The following TMPRSS15 variants were observed in gnomAD, a reference collection of about 807,000 sequenced individuals.
TMPRSS15 encodes enteropeptidase.
Under a neutral mutation model 125.3 loss-of-function variants are expected in TMPRSS15, and 128 were observed. The ratio of observed to expected loss-of-function variants is 1.02; its 90% confidence interval spans 0.89 to 1.18. The LOEUF is 1.18. TMPRSS15 is among the 50% of genes most tolerant of loss of function. TMPRSS15 has a pLI of 0.00. For synonymous variants in TMPRSS15, 446 were observed against 423.2 expected (o/e 1.05, Z -0.66); for missense variants, 1,283 against 1,212.7 (o/e 1.06, Z -0.86).
intron 24 of TMPRSS15, among the ~76,000 whole-genome samples, chr21:18,272,304 C>T (rs990990488): frequency 1.3e-5 from 2 of 152,058 alleles, no homozygotes; most frequent in African/African-American, 4.8e-5. Flanking sequence ...ATTTGCATTT[C>T]TCTAATGATC....
intron 15 of TMPRSS15, 142 bp from the exon 16 acceptor site, chr21:18,326,714 C>A (rs925125794): frequency 3.5e-6 from 3 of 846,958 alleles, no homozygotes; most frequent in Non-Finnish European, 5.8e-6. Context: ...AGTAAATGAA[C>A]ACACACATTC....
chr21:18,484,411 G>A (rs908818799), intron 1 of TMPRSS15, among the ~76,000 whole-genome samples: 35 of 151,722 alleles, frequency 2.3e-4, no homozygotes, highest in African/African-American at 8.5e-4. Context: ...TTGTTTAGTA[G>A]CATAATTGTA....
intron 1 of TMPRSS15, among the ~76,000 whole-genome samples, chr21:18,442,037 T>C (rs2123235546): frequency 6.6e-6 from 1 of 152,276 alleles, no homozygotes; most frequent in East Asian, 1.9e-4. Flanking sequence ...AGTTGTTCCT[T>C]AGTTTAACGT....
chr21:18,309,885 C>G (rs2075080142), intron 18 of TMPRSS15, among the ~76,000 whole-genome samples: 1 of 152,194 alleles, frequency 6.6e-6, no homozygotes, highest in African/African-American at 2.4e-5. Context: ...TAATGAAATT[C>G]ATTTCCTCTC....
At chr21:18,299,468 C>T (rs550910937) in intron 18 of TMPRSS15, among the ~76,000 whole-genome samples, 1 of 152,276 alleles carries the variant, frequency 6.6e-6, no homozygotes, top group South Asian at 2.1e-4. Flanking sequence ...TCAAGGGATG[C>T]CATTTCAAAT....
intron 1 of TMPRSS15, among the ~76,000 whole-genome samples, chr21:18,429,949 A>G (rs1278318372): frequency 6.6e-6 from 1 of 152,198 alleles, no homozygotes; most frequent in Non-Finnish European, 1.5e-5. Flanking sequence ...TAATTTCTTA[A>G]TTTAAATATA....
chr21:18,444,425 T>C (rs1569070162), intron 1 of TMPRSS15, among the ~76,000 whole-genome samples: 1 of 151,538 alleles, frequency 6.6e-6, no homozygotes, highest in Admixed American at 6.6e-5. Flanking sequence ...TAAGTGGGAG[T>C]TGGACAATTA....
intron 1 of TMPRSS15, among the ~76,000 whole-genome samples, chr21:18,463,041 T>A (rs2122953597): frequency 7.2e-5 from 11 of 151,814 alleles, no homozygotes; most frequent in African/African-American, 1.9e-4. Flanking sequence ...CATAATTTTT[T>A]AACATATTTA....
intron 6 of TMPRSS15, among the ~76,000 whole-genome samples, chr21:18,365,679 C>CTTCCTTCCTTCCTTCCTTCCT (rs2075727522): frequency 1.5e-5 from 2 of 129,586 alleles, no homozygotes; most frequent in African/African-American, 6.1e-5. Flanking sequence ...TCCTTCCTTC[C>CTTCCTTCCTTCCTTCCTTCCT]TTCCTTCCTT....
intron 16 of TMPRSS15, among the ~76,000 whole-genome samples, chr21:18,324,324 C>T (rs1316672772): frequency 6.6e-6 from 1 of 151,892 alleles, no homozygotes; most frequent in Non-Finnish European, 1.5e-5. Flanking sequence ...TTTTTTCATT[C>T]TTCATCATGC....
At chr21:18,396,812 A>ATCTATCTG (rs1374905705) in intron 3 of TMPRSS15, among the ~76,000 whole-genome samples, 4 of 87,592 alleles carry the variant, frequency 4.6e-5, no homozygotes, top group African/African-American at 1.7e-4. Flanking sequence ...CTGTCTGTCT[A>ATCTATCTG]TCTATCTATC....
chr21:18,341,190 T>C (rs1278568103), intron 13 of TMPRSS15, among the ~76,000 whole-genome samples: 7 of 152,146 alleles, frequency 4.6e-5, no homozygotes, highest in African/African-American at 1.7e-4. Context: ...GCCTCTCCGG[T>C]AGCTGGGACT....
intron 1 of TMPRSS15, among the ~76,000 whole-genome samples, chr21:18,471,719 C>T (rs1344558840): frequency 6.6e-6 from 1 of 152,124 alleles, no homozygotes; most frequent in Non-Finnish European, 1.5e-5. Context: ...TGTGAAAATT[C>T]TGCATGCCCA....
At chr21:18,302,024 T>G (rs2146914475) in intron 18 of TMPRSS15, among the ~76,000 whole-genome samples, 1 of 152,320 alleles carries the variant, frequency 6.6e-6, no homozygotes, top group African/African-American at 2.4e-5. Context: ...CCTGACTAGG[T>G]TTCTTCTCTT....
At chr21:18,277,251 A>G (rs1244271403) in intron 23 of TMPRSS15, among the ~76,000 whole-genome samples, 2 of 152,174 alleles carry the variant, frequency 1.3e-5, no homozygotes, top group East Asian at 3.9e-4. Flanking sequence ...TTCTTAAGTT[A>G]ATCAGACATA....
chr21:18,472,076 G>C (rs564791019), intron 1 of TMPRSS15, among the ~76,000 whole-genome samples: 2 of 152,204 alleles, frequency 1.3e-5, no homozygotes, highest in South Asian at 4.1e-4. Flanking sequence ...GTCAGAAGTT[G>C]CTTTAGAAGA....
chr21:18,345,318 A>C (rs561670857), intron 10 of TMPRSS15, among the ~76,000 whole-genome samples: 1 of 152,182 alleles, frequency 6.6e-6, no homozygotes, highest in Non-Finnish European at 1.5e-5. Context: ...ATATGACTGC[A>C]TGGAGAAGAG....
rs916812322 is a variant in TMPRSS15, at chr21:18,388,178, G to A, written c.345-4400C>T. Among the ~76,000 whole-genome samples, 6 of 152,084 alleles carry A rather than the reference G, an allele frequency of 3.9e-5. No individual in the cohort carries two copies. In the East Asian group the frequency reaches 1.2e-3, roughly 29 times the overall value. On this transcript the variant is annotated intron_variant, in intron 3 of 24. Coordinates refer to ENST00000284885, the MANE Select transcript of TMPRSS15 (RefSeq NM_002772.3). ...AAAACTCACTTCTGATTTAATGGCAGCTCAGCTACCACCAGAGGGAAGTAT... is the reference window on the plus strand; with the variant it reads ...AAAACTCACTTCTGATTTAATGGCAACTCAGCTACCACCAGAGGGAAGTAT...
intron 13 of TMPRSS15, 28 bp from the exon 14 acceptor site, chr21:18,332,201 CA>C: frequency 6.4e-7 from 1 of 1,564,454 alleles, no homozygotes; most frequent in South Asian, 1.1e-5. Flanking sequence ...GGGAAATCAT[CA>C]GTAATACAAT....
Sources: allele counts gnomAD v4.1 joint callset (sites outside exome capture counted in the v4.1 genomes callset), GRCh38; gene constraint gnomAD v4.1.1; transcripts MANE v1.5; gene names NCBI Gene and HGNC (gene_info 2026-07-23, HGNC 2026-07-21).